GABBR2: variants seen among roughly 807,000 people sequenced by gnomAD.
The protein encoded by GABBR2 is G-protein coupled receptor 51.
In GABBR2, 23 loss-of-function variants were observed where a neutral mutation model predicts 105.6. The observed-to-expected ratio is 0.22, with a 90% CI of 0.16 to 0.31. The LOEUF is 0.31. Among genes scored for constraint, GABBR2 ranks in the 10% least tolerant of loss-of-function variants. The pLI, the probability that GABBR2 is intolerant of heterozygous loss-of-function variation, is 1.00. For synonymous variants in GABBR2, 478 were observed against 499.7 expected (o/e 0.96, Z 0.58); for missense variants, 734 against 1,245.5 (o/e 0.59, Z 6.18).
chr9:98,367,577 C>A (rs891372717), intron 12 of GABBR2, among the ~76,000 whole-genome samples: 9 of 152,064 alleles, frequency 5.9e-5, no homozygotes, highest in African/African-American at 2.2e-4. Context: ...TACAAACGAA[C>A]AACATGAACT....
At chr9:98,579,939 C>T (rs570029633) in intron 1 of GABBR2, among the ~76,000 whole-genome samples, 1 of 152,298 alleles carries the variant, frequency 6.6e-6, no homozygotes, top group South Asian at 2.1e-4. Flanking sequence ...GACCCTTAGG[C>T]AGGACTGTTG....
Position 98,406,355 on chromosome 9 carries a change from A to G in GABBR2, c.1237-214T>C, listed in dbSNP as rs10986125. On this transcript the variant is annotated intron_variant, in intron 7 of 18. Coordinates refer to ENST00000259455, the MANE Select transcript of GABBR2 (RefSeq NM_005458.8). Reference sequence around the variant, plus strand: ...GGTTAATTTGAGGAGAACAAAATCAATAATGGAACTAACACATGTGAATTG... The same window carrying G: ...GGTTAATTTGAGGAGAACAAAATCAGTAATGGAACTAACACATGTGAATTG... Among the ~76,000 whole-genome samples, 12,126 of 152,348 alleles carry G rather than the reference A, an allele frequency of 0.08. 540 individuals carry two copies. Among genetic ancestry groups the G allele is most frequent in the Middle Eastern group, 0.1 (30 of 294 alleles).
At chr9:98,587,205 T>C (rs1173160265) in intron 1 of GABBR2, among the ~76,000 whole-genome samples, 2 of 152,242 alleles carry the variant, frequency 1.3e-5, no homozygotes, top group Admixed American at 1.3e-4. Flanking sequence ...TTTGGACTGG[T>C]AACTTTGCCC....
At chr9:98,423,053 A>G (rs1396888069) in intron 7 of GABBR2, among the ~76,000 whole-genome samples, 1 of 152,104 alleles carries the variant, frequency 6.6e-6, no homozygotes, top group Non-Finnish European at 1.5e-5. Context: ...GCTATTGTGA[A>G]TAGTGCCACA....
intron 13 of GABBR2, among the ~76,000 whole-genome samples, chr9:98,332,480 C>T (rs536871972): frequency 6.6e-6 from 1 of 152,278 alleles, no homozygotes; most frequent in Admixed American, 6.5e-5. Flanking sequence ...ATGAACTTCC[C>T]CTATGGGCAC....
At chr9:98,324,133 C>G (rs1244814757) in intron 13 of GABBR2, among the ~76,000 whole-genome samples, 1 of 152,174 alleles carries the variant, frequency 6.6e-6, no homozygotes, top group African/African-American at 2.4e-5. Context: ...TGACTGCAGG[C>G]TCAGGGCCCT....
At chr9:98,510,241 G>T (rs1169942790) in intron 3 of GABBR2, among the ~76,000 whole-genome samples, 1 of 152,148 alleles carries the variant, frequency 6.6e-6, no homozygotes, top group African/African-American at 2.4e-5. Context: ...GTCACCACCA[G>T]GCCTGCCCTA....
At chr9:98,472,662 G>C (rs963732625) in intron 6 of GABBR2, among the ~76,000 whole-genome samples, 1 of 152,186 alleles carries the variant, frequency 6.6e-6, no homozygotes, top group Non-Finnish European at 1.5e-5. Flanking sequence ...GCAGAGGCTT[G>C]GAGAACTCAG....
rs541181667 is a variant in GABBR2, at chr9:98,348,401, G to C, written c.1893+14314C>G. On this transcript the variant is annotated intron_variant, in intron 13 of 18. Transcript: ENST00000259455. ...TGCTTTATATCTTTTGCTCAGTATT[G>C]CCTTGGCTATTCAGGGTCTTTTGTG... Among the ~76,000 whole-genome samples the C allele has an allele frequency of 5.3e-5, 8 of 152,216 alleles. No homozygotes were observed. In the East Asian group the frequency reaches 1.5e-3, roughly 29 times the overall value.
chr9:98,322,970 T>G (rs1830851266), intron 13 of GABBR2, among the ~76,000 whole-genome samples: 1 of 152,166 alleles, frequency 6.6e-6, no homozygotes, highest in Admixed American at 6.5e-5. Flanking sequence ...GGCCAGATTC[T>G]GTGCTGAGTG....
intron 1 of GABBR2, among the ~76,000 whole-genome samples, chr9:98,652,188 G>C (rs556896786): frequency 9.2e-5 from 14 of 152,274 alleles, no homozygotes; most frequent in African/African-American, 3.1e-4. Flanking sequence ...GCCTGGCACT[G>C]TTCCTGAGAT....
intron 15 of GABBR2, among the ~76,000 whole-genome samples, chr9:98,305,471 C>T (rs1241915763): frequency 6.6e-6 from 1 of 152,176 alleles, no homozygotes; most frequent in African/African-American, 2.4e-5. Context: ...AAGGACAAAA[C>T]ATTAAGCAAA....
intron 3 of GABBR2, among the ~76,000 whole-genome samples, chr9:98,522,920 T>C (rs1827893267): frequency 1.3e-5 from 2 of 152,038 alleles, no homozygotes; most frequent in Admixed American, 1.3e-4. Flanking sequence ...TTAGAGGCAG[T>C]GAGGGATGGA....
chr9:98,304,820 G>C (rs1830524929), intron 15 of GABBR2, among the ~76,000 whole-genome samples: 2 of 104,810 alleles, frequency 1.9e-5, no homozygotes, highest in Admixed American at 2.1e-4. Context: ...ACCAAGGCTA[G>C]AGTGCAATGG....
intron 1 of GABBR2, among the ~76,000 whole-genome samples, chr9:98,662,685 C>T (rs1442959828): frequency 6.6e-6 from 1 of 152,162 alleles, no homozygotes; most frequent in African/African-American, 2.4e-5. Context: ...CCTGAAGACC[C>T]TGCTCTCCAG....
At chr9:98,678,526 T>TA (rs776688637) in intron 1 of GABBR2, among the ~76,000 whole-genome samples, 13 of 152,318 alleles carry the variant, frequency 8.5e-5, no homozygotes, top group Non-Finnish European at 1.8e-4. Flanking sequence ...TGACAAGCAC[T>TA]TTATGTCCCG....
intron 2 of GABBR2, among the ~76,000 whole-genome samples, chr9:98,554,275 C>T (rs375510784): frequency 2.6e-5 from 4 of 151,776 alleles, no homozygotes; most frequent in African/African-American, 4.8e-5. Context: ...GTAAGAGGAC[C>T]GCTTGAGCCT....
At chr9:98,631,316 C>T (rs761101509) in intron 1 of GABBR2, among the ~76,000 whole-genome samples, 4 of 152,190 alleles carry the variant, frequency 2.6e-5, no homozygotes, top group African/African-American at 4.8e-5. Flanking sequence ...AGATAACTAA[C>T]CTTCCTAAGC....
chr9:98,692,541 A>G (rs764109568), intron 1 of GABBR2, among the ~76,000 whole-genome samples: 4 of 152,228 alleles, frequency 2.6e-5, no homozygotes, highest in Admixed American at 6.5e-5. Context: ...CAGCCATGAT[A>G]GGTGACTCCC....
Sources: allele counts gnomAD v4.1 joint callset (sites outside exome capture counted in the v4.1 genomes callset), GRCh38; gene constraint gnomAD v4.1.1; transcripts MANE v1.5; gene names NCBI Gene and HGNC (gene_info 2026-07-23, HGNC 2026-07-21).